Variants in FOXO1 observed in about 807,000 individuals in gnomAD.
FOXO1 encodes the protein forkhead box O1, also known as forkhead box protein O1.
In FOXO1, 6 loss-of-function variants were observed where a neutral mutation model predicts 44.1. That is an observed-to-expected ratio of 0.14 (90% CI 0.07 to 0.27). The LOEUF is 0.27. Among genes scored for constraint, FOXO1 ranks in the 10% least tolerant of loss-of-function variants. FOXO1 has a pLI of 1.00. For missense variants in FOXO1, 737 were observed against 888.8 expected, an observed-to-expected ratio of 0.83 and a Z score of 2.17; for synonymous variants, 380 against 362.7, an observed-to-expected ratio of 1.05 and a Z score of -0.54.
At chr13:40,665,376 GC>G (rs1593421802) in intron 1 of FOXO1, among the ~76,000 whole-genome samples, 2 of 152,112 alleles carry the variant, frequency 1.3e-5, no homozygotes, top group African/African-American at 4.8e-5. Context: ...CGCGTCCCAC[GC>G]GAACTCCTGA....
chr13:40,628,385 A>ACACACACC (rs1555252084), intron 1 of FOXO1, among the ~76,000 whole-genome samples: 1 of 151,414 alleles, frequency 6.6e-6, no homozygotes, highest in African/African-American at 2.4e-5. Flanking sequence ...ACACACACAC[A>ACACACACC]CACACCCCGT....
intron 1 of FOXO1, among the ~76,000 whole-genome samples, chr13:40,611,382 G>C (rs1367078330): frequency 2.0e-5 from 3 of 152,170 alleles, no homozygotes; most frequent in Non-Finnish European, 4.4e-5. Context: ...AGGTTACTAG[G>C]TACACACAGT....
intron 1 of FOXO1, among the ~76,000 whole-genome samples, chr13:40,643,347 G>GAA (rs71727126): frequency 6.6e-4 from 60 of 91,412 alleles, no homozygotes; most frequent in African/African-American, 1.4e-3. Context: ...GTCTCAAAAA[G>GAA]AAAAAAAAAA....
intron 1 of FOXO1, among the ~76,000 whole-genome samples, chr13:40,572,413 A>G (rs945253965): frequency 7.3e-6 from 1 of 137,882 alleles, no homozygotes; most frequent in Admixed American, 7.3e-5. Context: ...TGTTTTTTCT[A>G]TTTTGGGACC....
At chr13:40,632,816 A>G (rs1877011069) in intron 1 of FOXO1, among the ~76,000 whole-genome samples, 1 of 150,722 alleles carries the variant, frequency 6.6e-6, no homozygotes, top group Admixed American at 6.6e-5. Flanking sequence ...ATAGTGGTGC[A>G]TGCCTGTAAT....
At position 40,622,744 on chromosome 13, in the gene FOXO1, T is replaced by C. The variant is rs151259767; in HGVS notation, c.630+42839A>G. Among the ~76,000 whole-genome samples the C allele has an allele frequency of 2.4e-3, 365 of 152,232 alleles. 1 individual carries two copies. Among genetic ancestry groups the C allele is most frequent in the African/African-American group, 8.2e-3 (339 of 41,520 alleles). On this transcript the variant is annotated intron_variant, in intron 1 of 2. Transcript: ENST00000379561. ...AGCTCTATGCCTGGCATAAAATGGTTTTTCAAAGTTAAACTATTTTTTATC... is the reference window on the plus strand; with the variant it reads ...AGCTCTATGCCTGGCATAAAATGGTCTTTCAAAGTTAAACTATTTTTTATC...
intron 1 of FOXO1, among the ~76,000 whole-genome samples, chr13:40,596,965 G>GA (rs1319590007): frequency 3.3e-5 from 5 of 152,138 alleles, no homozygotes; most frequent in Admixed American, 1.3e-4. Flanking sequence ...CCCCAAAGGG[G>GA]AGGAAGACAG....
In FOXO1 at chr13:40,565,372, C is replaced by T. The variant is rs76903885; in HGVS notation, c.631-4512G>A. On this transcript the variant is annotated intron_variant, in intron 1 of 2. Transcript: ENST00000379561. ...CCCATAGACTGTCCAGGAACACGGA[C>T]CTTTTCTCTCCAAAGGCTGCCACCC... Among the ~76,000 whole-genome samples, 195 of 152,264 alleles carry T rather than the reference C, an allele frequency of 1.3e-3. 5 individuals are homozygous for T. In the East Asian group the frequency reaches 0.024, roughly 19 times the overall value.
intron 1 of FOXO1, among the ~76,000 whole-genome samples, chr13:40,606,749 G>C (rs1264025653): frequency 6.6e-6 from 1 of 152,098 alleles, no homozygotes; most frequent in African/African-American, 2.4e-5. Context: ...CCAGATGTCA[G>C]CCCATCTCAT....
At chr13:40,652,091 GATATTTACA>G (rs775220704) in intron 1 of FOXO1, among the ~76,000 whole-genome samples, 2 of 152,132 alleles carry the variant, frequency 1.3e-5, no homozygotes, top group Non-Finnish European at 2.9e-5. Context: ...AACCCCAATC[GATATTTACA>G]AGTTTTGCAA....
At chr13:40,650,864 C>A (rs1299539115) in intron 1 of FOXO1, among the ~76,000 whole-genome samples, 1 of 152,120 alleles carries the variant, frequency 6.6e-6, no homozygotes, top group Non-Finnish European at 1.5e-5. Context: ...AAGCAATTGT[C>A]CTGCCTCAGC....
At chr13:40,636,011 A>G (rs1877136954) in intron 1 of FOXO1, among the ~76,000 whole-genome samples, 1 of 152,150 alleles carries the variant, frequency 6.6e-6, no homozygotes, top group South Asian at 2.1e-4. Context: ...GGAGTTCGAA[A>G]CTAGCCTGGC....
chr13:40,564,140 A>G (rs1209314955), intron 1 of FOXO1, among the ~76,000 whole-genome samples: 1 of 152,176 alleles, frequency 6.6e-6, no homozygotes, highest in African/African-American at 2.4e-5. Context: ...GCTCTCTAAC[A>G]TTCATGATAA....
chr13:40,605,078 A>G (rs1360317745), intron 1 of FOXO1, among the ~76,000 whole-genome samples: 1 of 151,758 alleles, frequency 6.6e-6, no homozygotes, highest in Non-Finnish European at 1.5e-5. Flanking sequence ...AAACCTGAAT[A>G]TATCATATAT....
intron 1 of FOXO1, among the ~76,000 whole-genome samples, chr13:40,646,727 G>A (rs1010447441): frequency 2.6e-5 from 4 of 152,130 alleles, no homozygotes; most frequent in Admixed American, 2.0e-4. Context: ...CCAAGTAGCC[G>A]GGATTACAGA....
intron 1 of FOXO1, among the ~76,000 whole-genome samples, chr13:40,568,430 AC>A (rs974429656): frequency 6.6e-6 from 1 of 152,164 alleles, no homozygotes; most frequent in Non-Finnish European, 1.5e-5. Context: ...ACAAGTGAAA[AC>A]AAACTGAACT....
In FOXO1 at chr13:40,560,434, C is replaced by T. The variant is rs760394095; in HGVS notation, c.1057G>A (p.Ala353Thr). The change falls in exon 2 of 3, where the codon GCA becomes ACA. Residue 353 changes from alanine (A) to threonine (T), a missense_variant. Ala to Thr is a moderately conservative substitution (Grantham distance 58). This residue lies in a region of FOXO1 where 136 missense variants were observed against 186.4 expected (regional missense o/e 0.73). Coordinates refer to ENST00000379561, the MANE Select transcript of FOXO1 (RefSeq NM_002015.4). This position sits in a 1 kb window ranked among gnomAD's most constrained non-coding sequence, Gnocchi z 5.1. ...VHSMVYPPSAAKMASTLPSLS... is the reference protein window; with the variant it reads ...VHSMVYPPSATKMASTLPSLS... ...CTGGGTAAAGTAGAGGCCATCTTTG[C>T]GGCAGATGGCGGGTACACCATAGAA... The T allele has an allele frequency of 4.3e-6, 7 of 1,614,066 alleles. No homozygotes were observed. Among genetic ancestry groups the T allele is most frequent in the Non-Finnish European group, 4.2e-6 (5 of 1,179,964 alleles).
At chr13:40,644,723 A>G (rs56141801) in intron 1 of FOXO1, among the ~76,000 whole-genome samples, 2,577 of 152,332 alleles carry the variant, frequency 0.017, 82 homozygotes, top group African/African-American at 0.058. Context: ...CCCAAAACAC[A>G]GAGAATGGCA....
intron 1 of FOXO1, among the ~76,000 whole-genome samples, chr13:40,598,502 C>CA (rs555686930): frequency 2.6e-4 from 39 of 148,398 alleles, no homozygotes; most frequent in Middle Eastern, 3.5e-3. Context: ...TCCACTAGCA[C>CA]AAAAAAAAAA....
Sources: allele counts gnomAD v4.1 joint callset (sites outside exome capture counted in the v4.1 genomes callset), GRCh38; gene constraint gnomAD v4.1.1; regional missense constraint gnomAD v4.1.1; non-coding constraint Gnocchi (gnomAD v3.1); transcripts MANE v1.5; gene names NCBI Gene and HGNC (gene_info 2026-07-23, HGNC 2026-07-21).